The following DNAJB13 variants were observed in gnomAD, a reference collection of about 807,000 sequenced individuals.
DNAJB13 encodes DnaJ heat shock protein family (Hsp40) member B13.
In DNAJB13, 22 loss-of-function variants were observed where a neutral mutation model predicts 35.6. The ratio of observed to expected loss-of-function variants is 0.62; its 90% CI spans 0.44 to 0.88. The LOEUF (loss-of-function observed/expected upper bound fraction) is 0.88. Ranked by LOEUF, DNAJB13 falls within the 40% of genes least tolerant of loss-of-function variation. DNAJB13 has a pLI of 0.00. For synonymous variants in DNAJB13, 136 were observed against 144.2 expected (o/e 0.94, Z 0.41); for missense variants, 370 against 384.3 (o/e 0.96, Z 0.31).
At chr11:73,955,938 T>A (rs183127543) in intron 1 of DNAJB13, among the ~76,000 whole-genome samples, 1 of 152,196 alleles carries the variant, frequency 6.6e-6, no homozygotes, top group East Asian at 1.9e-4. Context: ...CCAGGACCCT[T>A]ATGGATGGAG....
At chr11:73,959,369 G>T in intron 2 of DNAJB13, 125 bp from the exon 3 acceptor site, 1 of 1,067,856 alleles carries the variant, frequency 9.4e-7, no homozygotes, top group South Asian at 1.9e-5. Flanking sequence ...CTGCCAGACA[G>T]CAGGCACTTT....
intron 2 of DNAJB13, among the ~76,000 whole-genome samples, chr11:73,959,268 T>C (rs1364020913): frequency 6.6e-6 from 1 of 152,162 alleles, no homozygotes; most frequent in Non-Finnish European, 1.5e-5. Context: ...AACTCAAGGC[T>C]TTCCCGTCTC....
intron 3 of DNAJB13, chr11:73,964,266 G>A (rs1951017574): frequency 6.4e-6 from 1 of 155,262 alleles, no homozygotes; most frequent in Admixed American, 6.3e-5. Flanking sequence ...AGAAATTGAG[G>A]AAAGAGGAGT....
chr11:73,951,244 C>A, intron 1 of DNAJB13, 107 bp downstream of exon 1: 1 of 1,340,462 alleles, frequency 7.5e-7, no homozygotes. Flanking sequence ...CAAGGTAAAC[C>A]TTGTTCCTCC....
chr11:73,959,691 G>A (rs1333929729), intron 3 of DNAJB13, 36 bp downstream of exon 3: 2 of 1,595,084 alleles, frequency 1.3e-6, no homozygotes, highest in Admixed American at 3.4e-5. Context: ...GCCTTATAGA[G>A]AAAGGACACT....
chr11:73,955,705 T>C (rs151096788), intron 1 of DNAJB13, among the ~76,000 whole-genome samples: 3,529 of 152,190 alleles, frequency 0.023, 133 homozygotes, highest in African/African-American at 0.08. Flanking sequence ...TGGGCACCTG[T>C]AGTTCCAGCT....
intron 3 of DNAJB13, among the ~76,000 whole-genome samples, chr11:73,960,498 ATAGAG>A (rs1390079007): frequency 4.0e-5 from 6 of 149,224 alleles, no homozygotes; most frequent in Non-Finnish European, 8.9e-5. Context: ...TGTATTTTTC[ATAGAG>A]TAGAGACAGG....
rs757175436 is a variant in DNAJB13 at position 73,968,490 on chromosome 11, G to A, written c.720+32G>A. ...GGGCAAAGTGCAGGAGCAGCGGGGA[G>A]GAGATCAGAGTGAGCCCTGCCTGCC... On this transcript the variant is annotated intron_variant, in intron 6 of 7. Coordinates refer to ENST00000339764, the MANE Select transcript of DNAJB13 (RefSeq NM_153614.4). 2.5e-6 allele frequency: 4 copies of A among 1,586,978 alleles called. No homozygotes were observed. In the Admixed American group the frequency reaches 6.8e-5, roughly 27 times the overall value.
chr11:73,955,634 A>G (rs923310468), intron 1 of DNAJB13, among the ~76,000 whole-genome samples: 5 of 151,914 alleles, frequency 3.3e-5, no homozygotes, highest in African/African-American at 9.7e-5. Flanking sequence ...TGAGACCAGC[A>G]TGGCCAACAC....
chr11:73,954,121 T>C (rs1350486039), intron 1 of DNAJB13, among the ~76,000 whole-genome samples: 1 of 141,320 alleles, frequency 7.1e-6, no homozygotes, highest in Non-Finnish European at 1.5e-5. Context: ...GGTCAGGAGT[T>C]TGAGACCAGC....
chr11:73,963,007 A>G (rs927478552), intron 3 of DNAJB13, among the ~76,000 whole-genome samples: 1 of 152,184 alleles, frequency 6.6e-6, no homozygotes, highest in African/African-American at 2.4e-5. Context: ...GGCTATTATC[A>G]GATGAGATAA....
chr11:73,964,508 G>A (rs1373574273), intron 3 of DNAJB13: 1 of 270,106 alleles, frequency 3.7e-6, no homozygotes, highest in Non-Finnish European at 7.2e-6. Context: ...GGCCACCAGA[G>A]GGAGTGCCTC....
At chr11:73,961,959 T>C (rs1344296835) in intron 3 of DNAJB13, among the ~76,000 whole-genome samples, 1 of 152,104 alleles carries the variant, frequency 6.6e-6, no homozygotes, top group East Asian at 1.9e-4. Context: ...CTGGCTAATT[T>C]TTGTATTTTG....
In DNAJB13 at chr11:73,969,280, T is replaced by C; in HGVS notation, c.755T>C (p.Leu252Pro). 1 of 872,734 alleles carries C rather than the reference T, an allele frequency of 1.1e-6. No individual in the cohort carries two copies. Among genetic ancestry groups the C allele is most frequent in the South Asian group, 1.3e-5 (1 of 76,512 alleles). 54.1% of individuals were successfully genotyped at this position (872,734 alleles called of 1,614,324 possible). The stretch of plus-strand genomic sequence containing the variant: ...TGCTGCACTGTGGAGGTGAGGACCC[T>C]AGATGACCGTCTGCTCAACATCCCC... The part of the protein sequence containing the change: ...LTCCTVEVRT[L>P]DDRLLNIPIN... The change falls in exon 7 of 8, where the codon CTA becomes CCA. Residue 252 changes from leucine (L) to proline (P), a missense_variant. Coordinates refer to ENST00000339764, the MANE Select transcript of DNAJB13 (RefSeq NM_153614.4).
intron 3 of DNAJB13, among the ~76,000 whole-genome samples, chr11:73,960,243 T>C (rs938749399): frequency 6.6e-6 from 1 of 152,138 alleles, no homozygotes; most frequent in Non-Finnish European, 1.5e-5. Context: ...AGTGGCATGA[T>C]CTCTGCTCAC....
intron 1 of DNAJB13, among the ~76,000 whole-genome samples, chr11:73,957,781 TG>T (rs1950797202): frequency 6.6e-6 from 1 of 152,132 alleles, no homozygotes; most frequent in Non-Finnish European, 1.5e-5. Flanking sequence ...CCAAGATGCC[TG>T]TGTGTCTGCT....
chr11:73,966,670 GTATT>G (rs567198522), intron 5 of DNAJB13, among the ~76,000 whole-genome samples: 12 of 151,532 alleles, frequency 7.9e-5, no homozygotes, highest in African/African-American at 1.7e-4. Context: ...ATTTATTTAT[GTATT>G]TATTTATTTA....
At chr11:73,967,595 T>A (rs1031115932) in intron 5 of DNAJB13, among the ~76,000 whole-genome samples, 7 of 151,906 alleles carry the variant, frequency 4.6e-5, no homozygotes, top group African/African-American at 1.7e-4. Flanking sequence ...AAATAAAAAA[T>A]TTAGCTGGGC....
At chr11:73,968,492 A>G (rs1565179232) in intron 6 of DNAJB13, 34 bp downstream of exon 6, 2 of 1,583,048 alleles carry the variant, frequency 1.3e-6, no homozygotes, top group East Asian at 4.5e-5. Context: ...AGCGGGGAGG[A>G]GATCAGAGTG....
Sources: gnomAD v4.1 joint callset for allele counts (sites outside exome capture counted in the v4.1 genomes callset) on GRCh38, gnomAD v4.1.1 for gene constraint, MANE v1.5 for transcripts, NCBI Gene and HGNC (gene_info 2026-07-23, HGNC 2026-07-21) for gene names.